The following SYTL5 variants were observed in gnomAD, a reference collection of about 807,000 sequenced individuals.
SYTL5 encodes synaptotagmin like 5.
Under a neutral mutation model 55.9 loss-of-function variants are expected in SYTL5, and 34 were observed. That is an observed-to-expected ratio of 0.61 (90% confidence interval 0.46 to 0.81). The LOEUF (loss-of-function observed/expected upper bound fraction) is 0.81. Ranked by LOEUF, SYTL5 falls within the 30% of genes least tolerant of loss-of-function variation. The pLI, the probability that SYTL5 is intolerant of heterozygous loss-of-function variation, is 0.00. For synonymous variants in SYTL5, 221 were observed against 188.7 expected (o/e 1.17, Z -1.40); for missense variants, 637 against 546.7 (o/e 1.17, Z -1.65).
chrX:38,065,149 C>T (rs1284886383), intron 3 of SYTL5, among the ~76,000 whole-genome samples: 1 of 111,715 alleles, frequency 9.0e-6, no homozygotes, highest in Non-Finnish European at 1.9e-5. Flanking sequence ...TATTCTTGAA[C>T]TCTAAATATT....
intron 7 of SYTL5, 44 bp from the exon 8 acceptor site, chrX:38,094,251 T>C (rs369044167): frequency 9.0e-7 from 1 of 1,115,356 alleles, no homozygotes; most frequent in Non-Finnish European, 1.2e-6. Context: ...TTATAGTAAA[T>C]TACAGTCAGT....
intron 1 of SYTL5, among the ~76,000 whole-genome samples, chrX:38,015,945 C>G (rs916821126): frequency 9.0e-6 from 1 of 111,324 alleles, no homozygotes. Context: ...TTAAGAAACT[C>G]TAGACCAGAA....
the SYTL5 span, among the ~76,000 whole-genome samples, chrX:37,964,413 T>G: frequency 2.7e-5 from 3 of 112,328 alleles, no homozygotes; most frequent in Non-Finnish European, 5.6e-5. Context: ...TTGCATATGT[T>G]GAACCATCCT....
chrX:38,085,647 G>A (rs1434113992), intron 6 of SYTL5, among the ~76,000 whole-genome samples: 1 of 111,526 alleles, frequency 9.0e-6, no homozygotes, highest in African/African-American at 3.3e-5. Context: ...CTGCACATTA[G>A]TCTCATTGTC....
At chrX:38,002,474 C>T (rs1274459290), upstream of SYTL5, among the ~76,000 whole-genome samples, 1 of 111,872 alleles carries the variant, frequency 8.9e-6, no homozygotes, top group Non-Finnish European at 1.9e-5. Flanking sequence ...AGTTAACAGT[C>T]CCACCAACAG....
rs767690066 is a variant in SYTL5, at chrX:38,089,557, C to G, written c.801C>G (p.Ser267Arg). The change falls in exon 7 of 17, where the codon AGC becomes AGG. Residue 267 changes from serine to arginine, a missense_variant. Transcript: ENST00000297875. ...GCACTCAGAGTTCACCAGCCCCAAG[C>G]ACACGAACTGTGACCTCAGTCATCA... ...TPGTQSSPAPSTRTVTSVISR... is the reference protein window; with the variant it reads ...TPGTQSSPAPRTRTVTSVISR... The G allele has an allele frequency of 5.0e-6, 6 of 1,208,700 alleles. No individual in the cohort carries two copies. In the Admixed American group the frequency reaches 6.6e-5, roughly 13 times the overall value.
chrX:38,002,132 T>C (rs1359798587), upstream of SYTL5, among the ~76,000 whole-genome samples: 1 of 110,942 alleles, frequency 9.0e-6, no homozygotes, highest in East Asian at 2.8e-4. Context: ...TTTTTGTCCT[T>C]GCAATAGTTT....
chrX:38,002,620 G>C (rs1484975856), upstream of SYTL5, among the ~76,000 whole-genome samples: 1 of 112,394 alleles, frequency 8.9e-6, no homozygotes, highest in Non-Finnish European at 1.9e-5. Flanking sequence ...GGCCAGTGAT[G>C]ATGAGCATTT....
In SYTL5 at chrX:38,110,301, G is replaced by A; in HGVS notation, c.1435-20G>A. ...TAGAGCCCTCCTTGTGGAGTGTAAT[G>A]TTGTAAATCTCATTCGCAGTACACT... On this transcript the variant is annotated intron_variant, in intron 12 of 16. Transcript: ENST00000297875. 1.7e-6 allele frequency: 2 copies of A among 1,175,543 alleles called. No individual in the cohort carries two copies. The highest frequency in any genetic ancestry group is 2.3e-6 in the Non-Finnish European group (2 of 875,015).
the SYTL5 span, among the ~76,000 whole-genome samples, chrX:37,931,436 T>C: frequency 3.6e-3 from 407 of 111,873 alleles, 1 homozygote; most frequent in African/African-American, 0.012. Context: ...AAATATCTTA[T>C]TTGGTACTCT....
chrX:38,091,181 T>C (rs2147515445), intron 7 of SYTL5, among the ~76,000 whole-genome samples: 1 of 112,006 alleles, frequency 8.9e-6, no homozygotes, highest in Admixed American at 9.4e-5. Context: ...TAAGCCATTG[T>C]CATACCCCAT....
At chrX:37,961,277 G>A in the SYTL5 span, among the ~76,000 whole-genome samples, 5 of 111,696 alleles carry the variant, frequency 4.5e-5, no homozygotes, top group Non-Finnish European at 9.4e-5. Flanking sequence ...TCATGGTTCT[G>A]GAGTCTGAGA....
chrX:37,964,865 G>C, the SYTL5 span, among the ~76,000 whole-genome samples: 48,618 of 109,525 alleles, frequency 0.44, 8,543 homozygotes, highest in South Asian at 0.68. Flanking sequence ...AGTTTATCCA[G>C]TTTGTGTAAA....
At chrX:38,040,858 G>A (rs1935265067) in intron 2 of SYTL5, among the ~76,000 whole-genome samples, 1 of 111,572 alleles carries the variant, frequency 9.0e-6, no homozygotes, top group African/African-American at 3.3e-5. Context: ...TGGATCATAT[G>A]GTAGATCAAT....
At chrX:37,892,345 T>C in the SYTL5 span, among the ~76,000 whole-genome samples, 1 of 106,889 alleles carries the variant, frequency 9.4e-6, no homozygotes, top group African/African-American at 3.4e-5. Context: ...TCAAAGGTTT[T>C]ATTTATTTAT....
chrX:38,026,728 C>T (rs1385470285), intron 1 of SYTL5, among the ~76,000 whole-genome samples: 2 of 111,362 alleles, frequency 1.8e-5, no homozygotes, highest in Non-Finnish European at 3.8e-5. Context: ...ATGAGGATGA[C>T]CAGAGGTCAC....
At chrX:37,995,075 G>C in the SYTL5 span, among the ~76,000 whole-genome samples, 1 of 110,131 alleles carries the variant, frequency 9.1e-6, no homozygotes. Flanking sequence ...CAGTGAGGGT[G>C]CCGGCCCTGT....
the SYTL5 span, among the ~76,000 whole-genome samples, chrX:37,995,032 C>A: frequency 1.8e-5 from 2 of 110,465 alleles, no homozygotes; most frequent in Non-Finnish European, 3.8e-5. Flanking sequence ...GTGTTTGAAT[C>A]AGTGATTTAG....
rs1229080334 is a variant in SYTL5, at chrX:38,089,572, C to T, written c.816C>T (p.Thr272=). The T allele has an allele frequency of 8.3e-7, 1 of 1,209,935 alleles. No individual in the cohort carries two copies. Among genetic ancestry groups the T allele is most frequent in the Admixed American group, 2.2e-5 (1 of 45,919 alleles). The part of the protein sequence containing the change: ...SSPAPSTRTV[T]SVISREYGFE... ...CAGCCCCAAGCACACGAACTGTGAC[C>T]TCAGTCATCAGTAGAGTAAGTACAC... The change falls in exon 7 of 17, where the codon ACC becomes ACT. Residue 272 remains threonine (T), a synonymous_variant. Transcript: ENST00000297875.
Sources: gnomAD v4.1 joint callset for allele counts (sites outside exome capture counted in the v4.1 genomes callset) on GRCh38, gnomAD v4.1.1 for gene constraint, MANE v1.5 for transcripts, NCBI Gene and HGNC (gene_info 2026-07-23, HGNC 2026-07-21) for gene names.